ATP13A4: variants seen among roughly 807,000 people sequenced by gnomAD.
The protein encoded by ATP13A4 is probable cation-transporting ATPase 13A4.
In ATP13A4, 114 loss-of-function variants were observed where a neutral mutation model predicts 142.5. That is an observed-to-expected ratio of 0.80 (90% CI 0.69 to 0.93). The LOEUF is 0.93. Ranked by LOEUF, ATP13A4 falls within the 40% of genes least tolerant of loss-of-function variation. ATP13A4 has a pLI of 0.00. For synonymous variants in ATP13A4, 488 were observed against 514.8 expected (o/e 0.95, Z 0.70); for missense variants, 1,392 against 1,454.0 (o/e 0.96, Z 0.69).
intron 2 of ATP13A4, among the ~76,000 whole-genome samples, chr3:193,573,298 T>TGTAC (rs1724321441): frequency 8.6e-6 from 1 of 116,632 alleles, no homozygotes; most frequent in African/African-American, 3.9e-5. Context: ...TACACATATA[T>TGTAC]ATATATATAC....
intron 25 of ATP13A4, among the ~76,000 whole-genome samples, chr3:193,422,867 T>G (rs1451503714): frequency 6.8e-6 from 1 of 147,738 alleles, no homozygotes; most frequent in Non-Finnish European, 1.5e-5. Context: ...AAGAAAGAAA[T>G]AATAAAGATA....
chr3:193,493,302 A>G (rs993247380), intron 3 of ATP13A4, 142 bp from the exon 4 acceptor site: 12 of 746,974 alleles, frequency 1.6e-5, no homozygotes, highest in Non-Finnish European at 2.4e-5. Flanking sequence ...TTTCTAATTT[A>G]CCCTTTGCTT....
intron 2 of ATP13A4, among the ~76,000 whole-genome samples, chr3:193,510,959 CA>C (rs1247565106): frequency 6.6e-6 from 1 of 152,120 alleles, no homozygotes; most frequent in Non-Finnish European, 1.5e-5. Flanking sequence ...CATTTTAATG[CA>C]AATAACCTAG....
chr3:193,407,749 C>T (rs975897142), intron 28 of ATP13A4, among the ~76,000 whole-genome samples: 25 of 152,120 alleles, frequency 1.6e-4, no homozygotes, highest in African/African-American at 5.8e-4. Context: ...TCTTTGTTTG[C>T]TTGCTTTGTT....
In ATP13A4 at chr3:193,474,322, CAA is replaced by C. The variant is rs1176133187; in HGVS notation, c.809-3331_809-3330del. ...CTGGTGACAGAGCGAGACTCCGTCT[CAA>C]AAAAAAAAAAAAAAAAAAAAAAACA... is the stretch of plus-strand genomic sequence containing the variant. On this transcript the variant is annotated intron_variant, in intron 8 of 29. Coordinates refer to ENST00000342695, the MANE Select transcript of ATP13A4 (RefSeq NM_032279.4). Among the ~76,000 whole-genome samples the C allele has an allele frequency of 6.9e-3, 477 of 68,996 alleles. 2 individuals carry two copies. The highest frequency in any genetic ancestry group is 0.023 in the African/African-American group (440 of 19,418). The allele number at this position is 68,996 out of a possible 152,430, so 45.3% of individuals were successfully genotyped here. A position where few individuals can be genotyped will look rare whatever the true frequency, so the allele number is the denominator to read the frequency against.
At chr3:193,504,216 G>T (rs188216113) in intron 2 of ATP13A4, among the ~76,000 whole-genome samples, 5 of 152,220 alleles carry the variant, frequency 3.3e-5, no homozygotes, top group Non-Finnish European at 7.4e-5. Context: ...AGTTAAGAAT[G>T]ATGAGCCTAA....
intron 1 of ATP13A4, among the ~76,000 whole-genome samples, chr3:193,538,497 T>TA (rs376175094): frequency 0.015 from 1,798 of 122,202 alleles, 12 homozygotes; most frequent in East Asian, 0.019. Context: ...GAATCCACAT[T>TA]AAAAAAAAAA....
intron 1 of ATP13A4, among the ~76,000 whole-genome samples, chr3:193,582,644 G>C (rs11711268): frequency 1.3e-5 from 1 of 74,232 alleles, no homozygotes; most frequent in African/African-American, 7.4e-5. Context: ...CATTATATAT[G>C]TATATTACAT....
chr3:193,517,574 G>A (rs567306301), intron 1 of ATP13A4, among the ~76,000 whole-genome samples: 69 of 152,210 alleles, frequency 4.5e-4, no homozygotes, highest in African/African-American at 1.5e-3. Context: ...TCCGCCTCCC[G>A]GGTTCACGCC....
At chr3:193,585,132 T>A (rs1438691803) in intron 1 of ATP13A4, among the ~76,000 whole-genome samples, 6 of 152,136 alleles carry the variant, frequency 3.9e-5, no homozygotes, top group Non-Finnish European at 8.8e-5. Flanking sequence ...ACATTATCAG[T>A]TTTGACCAGG....
intron 1 of ATP13A4, among the ~76,000 whole-genome samples, chr3:193,534,894 C>A (rs1044760036): frequency 6.6e-6 from 1 of 151,972 alleles, no homozygotes; most frequent in Middle Eastern, 3.4e-3. Context: ...CCAAACAGAA[C>A]AAACCTAAAG....
intron 8 of ATP13A4, among the ~76,000 whole-genome samples, chr3:193,483,487 T>C (rs754049834): frequency 5.9e-5 from 9 of 152,296 alleles, no homozygotes; most frequent in Non-Finnish European, 1.0e-4. Flanking sequence ...GTTTTTGAGA[T>C]GGAGTCTCGC....
At position 193,466,024 on chromosome 3, in the gene ATP13A4, C is replaced by T. The variant is rs190292800; in HGVS notation, c.1272+1G>A. On this transcript the variant is annotated splice_donor_variant, in intron 11 of 29. Coordinates refer to ENST00000342695, the MANE Select transcript of ATP13A4 (RefSeq NM_032279.4). LOFTEE classifies it high-confidence loss of function. ...TTAATAAAAGAGCAAAGACAGCTTACCCCACTAAGCACATAGACACACAGA... is the reference window on the plus strand; with the variant it reads ...TTAATAAAAGAGCAAAGACAGCTTATCCCACTAAGCACATAGACACACAGA... 36 of 1,613,916 alleles carry T rather than the reference C, an allele frequency of 2.2e-5. No homozygotes were observed.
intron 1 of ATP13A4, among the ~76,000 whole-genome samples, chr3:193,519,626 A>ATTTTTTTTTTTTTTTTTT (rs147173408): frequency 1.4e-5 from 1 of 69,040 alleles, no homozygotes; most frequent in Non-Finnish European, 2.5e-5. Flanking sequence ...GCAATTTGTA[A>ATTTTTTTTTTTTTTTTTT]TTTTTTTTTT....
At chr3:193,438,700 AC>A (rs1275951543) in intron 22 of ATP13A4, 116 bp from the exon 23 acceptor site, 1 of 868,020 alleles carries the variant, frequency 1.2e-6, no homozygotes, top group Non-Finnish European at 1.9e-6. Flanking sequence ...CCAAACTCTA[AC>A]CAAGAGACTT....
In ATP13A4 at chr3:193,433,016, C is replaced by T. The variant is rs538049770; in HGVS notation, c.2842+829G>A. On this transcript the variant is annotated intron_variant, in intron 25 of 29. Coordinates refer to ENST00000342695, the MANE Select transcript of ATP13A4 (RefSeq NM_032279.4). ...TTAATTGTTTCTCACGAAATGCTTT[C>T]ATTGAGTTTTGCCAAACTCTTGTGT... 1.0e-3 allele frequency among the ~76,000 whole-genome samples: 158 copies of T among 152,230 alleles called. 1 individual carries two copies. The highest frequency in any genetic ancestry group is 3.8e-3 in the African/African-American group (156 of 41,562).
chr3:193,481,010 G>C (rs1320461482), intron 8 of ATP13A4, among the ~76,000 whole-genome samples: 1 of 152,144 alleles, frequency 6.6e-6, no homozygotes, highest in Admixed American at 6.5e-5. Flanking sequence ...TATTCTAAGC[G>C]AAGTAACTCA....
At chr3:193,455,235 GA>G (rs1717529250) in intron 16 of ATP13A4, among the ~76,000 whole-genome samples, 1 of 151,860 alleles carries the variant, frequency 6.6e-6, no homozygotes, top group African/African-American at 2.4e-5. Flanking sequence ...CAACTACTAG[GA>G]GGGCTGAGGC....
intron 17 of ATP13A4, among the ~76,000 whole-genome samples, chr3:193,452,174 G>T (rs941283612): frequency 6.6e-6 from 1 of 152,110 alleles, no homozygotes; most frequent in African/African-American, 2.4e-5. Flanking sequence ...CAGCAGCATG[G>T]TAGCCAGACT....
Sources: allele counts gnomAD v4.1 joint callset (sites outside exome capture counted in the v4.1 genomes callset), GRCh38; gene constraint gnomAD v4.1.1; transcripts MANE v1.5; gene names NCBI Gene and HGNC (gene_info 2026-07-23, HGNC 2026-07-21).